The following CFAP299 variants were observed in gnomAD, a reference collection of about 807,000 sequenced individuals.
CFAP299 encodes cilia- and flagella-associated protein 299.
CFAP299 carries 21 observed loss-of-function variants against 27.0 expected under a neutral mutation model. The ratio of observed to expected loss-of-function variants is 0.78; its 90% confidence interval spans 0.55 to 1.12. The LOEUF (loss-of-function observed/expected upper bound fraction) is 1.12, where lower values mean the gene tolerates loss of function less well. Ranked by LOEUF, CFAP299 falls within the 50% of genes most tolerant of loss-of-function variation. The pLI is 0.00. For missense variants in CFAP299, 310 were observed against 276.6 expected (o/e 1.12, Z -0.86); for synonymous variants, 104 against 98.1 (o/e 1.06, Z -0.36).
chr4:80,679,339 G>A (rs1202299273), intron 3 of CFAP299, among the ~76,000 whole-genome samples: 1 of 151,738 alleles, frequency 6.6e-6, no homozygotes, highest in East Asian at 1.9e-4. Flanking sequence ...TTGTTACCAG[G>A]TTTTGTTTTG....
chr4:80,503,011 G>A (rs973042101), intron 2 of CFAP299, among the ~76,000 whole-genome samples: 25 of 152,116 alleles, frequency 1.6e-4, no homozygotes, highest in African/African-American at 5.3e-4. Context: ...GCTGATACTT[G>A]AGGTGGAAAT....
At chr4:80,894,909 AG>A (rs1734539948) in intron 4 of CFAP299, among the ~76,000 whole-genome samples, 1 of 150,804 alleles carries the variant, frequency 6.6e-6, no homozygotes, top group African/African-American at 2.4e-5. Context: ...AGCTAGACAC[AG>A]GAAGAAAAAT....
At chr4:80,647,433 T>G (rs1330777554) in intron 3 of CFAP299, among the ~76,000 whole-genome samples, 1 of 152,160 alleles carries the variant, frequency 6.6e-6, no homozygotes, top group African/African-American at 2.4e-5. Context: ...TTGTTTTCTC[T>G]GCATTTTTTA....
intron 3 of CFAP299, among the ~76,000 whole-genome samples, chr4:80,588,642 A>T (rs1394237699): frequency 6.8e-6 from 1 of 147,214 alleles, no homozygotes; most frequent in Non-Finnish European, 1.5e-5. Flanking sequence ...TTTCCCAGTT[A>T]AATCTTATGT....
chr4:80,412,988 A>G (rs1178783775), intron 2 of CFAP299, among the ~76,000 whole-genome samples: 2 of 152,232 alleles, frequency 1.3e-5, no homozygotes, highest in Non-Finnish European at 2.9e-5. Context: ...TTTATTATAT[A>G]TGCATAAAAT....
chr4:80,684,522 C>T (rs1720058363), intron 3 of CFAP299, among the ~76,000 whole-genome samples: 1 of 152,166 alleles, frequency 6.6e-6, no homozygotes, highest in Non-Finnish European at 1.5e-5. Flanking sequence ...GCCTCGGCCT[C>T]CCAAAGTGCT....
At chr4:80,716,110 T>A (rs1280581835) in intron 3 of CFAP299, among the ~76,000 whole-genome samples, 2 of 151,906 alleles carry the variant, frequency 1.3e-5, no homozygotes, top group African/African-American at 4.8e-5. Flanking sequence ...CAAATACAAA[T>A]AAAGAAGAAA....
intron 2 of CFAP299, among the ~76,000 whole-genome samples, chr4:80,463,583 G>T (rs1294037018): frequency 1.3e-5 from 2 of 152,088 alleles, no homozygotes; most frequent in Non-Finnish European, 2.9e-5. Flanking sequence ...TGCAGTTAGG[G>T]TTCGTTTTTG....
chr4:80,583,036 G>A (rs1046335998), intron 2 of CFAP299, 57 bp from the exon 3 acceptor site: 3 of 1,108,724 alleles, frequency 2.7e-6, no homozygotes, highest in Non-Finnish European at 3.9e-6. Context: ...TGGCTCCAGA[G>A]TGTTGGAAAC....
chr4:80,787,808 G>A (rs116197212), intron 3 of CFAP299, among the ~76,000 whole-genome samples: 2 of 151,824 alleles, frequency 1.3e-5, no homozygotes, highest in African/African-American at 4.8e-5. Flanking sequence ...AACATATGGA[G>A]TTTTTCCCTA....
At chr4:80,436,807 C>G (rs1578441192) in intron 2 of CFAP299, among the ~76,000 whole-genome samples, 1 of 152,164 alleles carries the variant, frequency 6.6e-6, no homozygotes, top group East Asian at 1.9e-4. Context: ...CCTGCATTGC[C>G]TCCCTCTAGC....
intron 4 of CFAP299, among the ~76,000 whole-genome samples, chr4:80,899,038 A>T (rs531443553): frequency 2.0e-5 from 3 of 152,222 alleles, no homozygotes; most frequent in Non-Finnish European, 4.4e-5. Context: ...TCTGGAGCCA[A>T]ACTGGATTTA....
chr4:80,794,322 G>A (rs1727733068), intron 3 of CFAP299, among the ~76,000 whole-genome samples: 2 of 152,164 alleles, frequency 1.3e-5, no homozygotes, highest in Admixed American at 6.5e-5. Context: ...AATGTTGTAG[G>A]AAAAGGAAGC....
chr4:80,930,400 T>A (rs1356205104), intron 4 of CFAP299, among the ~76,000 whole-genome samples: 1 of 152,150 alleles, frequency 6.6e-6, no homozygotes, highest in African/African-American at 2.4e-5. Context: ...GTCATGGGAT[T>A]TCTAATTAAT....
In CFAP299 at chr4:80,938,809, G is replaced by A. The variant is rs370765045; in HGVS notation, c.477-6001G>A. On this transcript the variant is annotated intron_variant, in intron 4 of 5. Transcript: ENST00000358105. ...GTTTTATCTTGAAGAACATCCTGTAGCATTTCTTGTAAGGCAGGTATATTG... is the reference window on the plus strand; with the variant it reads ...GTTTTATCTTGAAGAACATCCTGTAACATTTCTTGTAAGGCAGGTATATTG... Among the ~76,000 whole-genome samples the A allele has an allele frequency of 6.6e-5, 10 of 152,090 alleles. No homozygotes were observed. The East Asian group carries it at 9.6e-4, about 15-fold the overall frequency.
intron 3 of CFAP299, among the ~76,000 whole-genome samples, chr4:80,766,542 A>C (rs1261749884): frequency 2.0e-5 from 3 of 152,192 alleles, no homozygotes; most frequent in Non-Finnish European, 4.4e-5. Flanking sequence ...TCAGACACAC[A>C]TACAGACATA....
At chr4:80,487,285 C>T (rs1418667881) in intron 2 of CFAP299, among the ~76,000 whole-genome samples, 1 of 152,172 alleles carries the variant, frequency 6.6e-6, no homozygotes, top group African/African-American at 2.4e-5. Flanking sequence ...TGGTCTTACT[C>T]TCCAAGTATG....
chr4:80,735,756 T>A (rs912283985), intron 3 of CFAP299, among the ~76,000 whole-genome samples: 2 of 152,200 alleles, frequency 1.3e-5, no homozygotes, highest in Admixed American at 6.5e-5. Flanking sequence ...TTGCATATGT[T>A]GAAGTATTGT....
At chr4:80,772,828 A>C (rs1168256568) in intron 3 of CFAP299, among the ~76,000 whole-genome samples, 1 of 152,130 alleles carries the variant, frequency 6.6e-6, no homozygotes, top group Non-Finnish European at 1.5e-5. Context: ...GGAACCAAAA[A>C]TACCATTTGA....
Sources: allele counts gnomAD v4.1 joint callset (sites outside exome capture counted in the v4.1 genomes callset), GRCh38; gene constraint gnomAD v4.1.1; transcripts MANE v1.5; gene names NCBI Gene and HGNC (gene_info 2026-07-23, HGNC 2026-07-21).